Variants in PRKN observed in about 807,000 individuals in gnomAD.
The protein encoded by PRKN is parkin RBR E3 ubiquitin protein ligase.
In PRKN, 56 loss-of-function variants were observed where a neutral mutation model predicts 59.5. The ratio of observed to expected loss-of-function variants is 0.94; its 90% CI spans 0.76 to 1.18. The LOEUF is 1.18. Ranked by LOEUF, PRKN falls within the 50% of genes most tolerant of loss-of-function variation. PRKN has a pLI of 0.00. For missense variants in PRKN, 657 were observed against 596.4 expected (o/e 1.10, Z -1.06); for synonymous variants, 250 against 222.1 (o/e 1.13, Z -1.12).
intron 5 of PRKN, among the ~76,000 whole-genome samples, chr6:161,975,701 A>C (rs1293677261): frequency 6.6e-6 from 1 of 152,032 alleles, no homozygotes. Context: ...CAAGATTCGC[A>C]TTTCTAACAA....
chr6:162,558,557 G>A (rs1002545310), intron 1 of PRKN, among the ~76,000 whole-genome samples: 1 of 151,968 alleles, frequency 6.6e-6, no homozygotes, highest in Non-Finnish European at 1.5e-5. Flanking sequence ...TTGAACTCCC[G>A]ATTTCAGGTG....
chr6:162,107,080 A>G (rs1005421125), intron 4 of PRKN, among the ~76,000 whole-genome samples: 4 of 152,344 alleles, frequency 2.6e-5, no homozygotes, highest in Non-Finnish European at 5.9e-5. Flanking sequence ...GGTTAGAAGA[A>G]AAAAATGGGA....
At chr6:162,548,465 G>A (rs1779208266) in intron 1 of PRKN, among the ~76,000 whole-genome samples, 1 of 152,158 alleles carries the variant, frequency 6.6e-6, no homozygotes, top group Non-Finnish European at 1.5e-5. Context: ...GCAAAGATCA[G>A]TCTTAAATCT....
chr6:162,285,528 G>A (rs147165693), intron 2 of PRKN, among the ~76,000 whole-genome samples: 161 of 151,814 alleles, frequency 1.1e-3, no homozygotes, highest in African/African-American at 3.2e-3. Context: ...TAGGATCTTC[G>A]CAATTACACT....
rs1777871707 is a variant in PRKN at position 162,056,458 on chromosome 6, G to A, written c.535-2284C>T. On this transcript the variant is annotated intron_variant, in intron 4 of 11. Transcript: ENST00000366898. The surrounding 1 kb of genome is among the most constrained non-coding windows in gnomAD (Gnocchi z 4.9). Reference sequence around the variant, plus strand: ...CCAGGCCTGAGCCGTACCTGAAAGAGACTGAGCCTTTTGACGGAGGCTCTT... The same window carrying A: ...CCAGGCCTGAGCCGTACCTGAAAGAAACTGAGCCTTTTGACGGAGGCTCTT... Among the ~76,000 whole-genome samples the A allele has an allele frequency of 6.6e-6, 1 of 152,216 alleles. No homozygotes were observed. The highest frequency in any genetic ancestry group is 2.4e-5 in the African/African-American group (1 of 41,450).
chr6:161,941,639 C>T (rs147156892), intron 6 of PRKN, among the ~76,000 whole-genome samples: 185 of 152,288 alleles, frequency 1.2e-3, no homozygotes, highest in African/African-American at 4.3e-3. Flanking sequence ...TAAAAGAGCA[C>T]CCTGTAACAC....
intron 6 of PRKN, among the ~76,000 whole-genome samples, chr6:161,845,328 T>C (rs1793156759): frequency 6.6e-6 from 1 of 152,126 alleles, no homozygotes; most frequent in African/African-American, 2.4e-5. Flanking sequence ...ATATCATCAC[T>C]GTCTTCACGT....
intron 10 of PRKN, among the ~76,000 whole-genome samples, chr6:161,364,184 A>G (rs1340184062): frequency 4.0e-4 from 59 of 148,764 alleles, no homozygotes; most frequent in East Asian, 2.4e-3. Flanking sequence ...AAAAAAAAAA[A>G]AAAGAAAAGA....
At chr6:161,994,098 C>T (rs1562444246) in intron 5 of PRKN, among the ~76,000 whole-genome samples, 1 of 151,964 alleles carries the variant, frequency 6.6e-6, no homozygotes, top group South Asian at 2.1e-4. Context: ...TTATGAACAT[C>T]AATGCAAAAA....
intron 3 of PRKN, among the ~76,000 whole-genome samples, chr6:162,257,257 G>T (rs978533266): frequency 2.0e-5 from 3 of 152,110 alleles, no homozygotes; most frequent in East Asian, 3.9e-4. Context: ...GATTACCTGA[G>T]GTCAGTAGTT....
chr6:162,162,258 G>A (rs888376374), intron 4 of PRKN, among the ~76,000 whole-genome samples: 5 of 152,052 alleles, frequency 3.3e-5, no homozygotes, highest in Non-Finnish European at 5.9e-5. Context: ...TAATTTCACC[G>A]CACCTGACCT....
intron 9 of PRKN, among the ~76,000 whole-genome samples, chr6:161,406,619 T>C (rs758523490): frequency 3.8e-4 from 58 of 152,276 alleles, no homozygotes; most frequent in Middle Eastern, 3.4e-3. Flanking sequence ...GAAGGAAATA[T>C]GTTTTGGGTT....
In PRKN at chr6:161,354,620, G is replaced by A. The variant is rs146377300; in HGVS notation, c.1286-4409C>T. Among the ~76,000 whole-genome samples the A allele has an allele frequency of 2.6e-5, 4 of 152,126 alleles. No homozygotes were observed. The highest frequency in any genetic ancestry group is 3.8e-4 in the East Asian group (2 of 5,198). On this transcript the variant is annotated intron_variant, in intron 11 of 11. Coordinates refer to ENST00000366898, the MANE Select transcript of PRKN (RefSeq NM_004562.3). This position sits in a 1 kb window ranked among gnomAD's most constrained non-coding sequence, Gnocchi z 6.7. ...CCTGTGCTTAAAATGGAAATTCCTC[G>A]CATTCTCATTTCAGCTTCTCTGAGG...
chr6:161,858,142 T>C (rs1793732219), intron 6 of PRKN, among the ~76,000 whole-genome samples: 1 of 152,216 alleles, frequency 6.6e-6, no homozygotes, highest in Non-Finnish European at 1.5e-5. Flanking sequence ...CCAGGGTAGT[T>C]GATTCCTTTT....
At chr6:162,181,126 T>A (rs768020243) in intron 4 of PRKN, among the ~76,000 whole-genome samples, 3 of 151,796 alleles carry the variant, frequency 2.0e-5, no homozygotes, top group Non-Finnish European at 4.4e-5. Flanking sequence ...TGGAGGGGAG[T>A]GGGCTGACCG....
intron 2 of PRKN, among the ~76,000 whole-genome samples, chr6:162,414,352 T>G (rs1050883743): frequency 2.6e-5 from 4 of 152,044 alleles, no homozygotes; most frequent in Middle Eastern, 3.2e-3. Context: ...CAAGCAGGTT[T>G]GAACGGCTGT....
intron 4 of PRKN, among the ~76,000 whole-genome samples, chr6:162,064,322 G>C (rs1242416810): frequency 6.6e-6 from 1 of 152,158 alleles, no homozygotes; most frequent in Non-Finnish European, 1.5e-5. Flanking sequence ...TTTTGGTTGG[G>C]GTAGTAGTTA....
At chr6:161,612,563 A>G (rs1209428968) in intron 7 of PRKN, among the ~76,000 whole-genome samples, 1 of 151,902 alleles carries the variant, frequency 6.6e-6, no homozygotes, top group Non-Finnish European at 1.5e-5. Context: ...TCTACTAAAA[A>G]TACAAAAATT....
intron 9 of PRKN, among the ~76,000 whole-genome samples, chr6:161,411,019 T>C (rs1787514543): frequency 6.6e-6 from 1 of 152,136 alleles, no homozygotes. Flanking sequence ...GTAGATTTTA[T>C]TTTTCAGATA....
Sources: gnomAD v4.1 joint callset for allele counts (sites outside exome capture counted in the v4.1 genomes callset) on GRCh38, gnomAD v4.1.1 for gene constraint, Gnocchi (gnomAD v3.1) non-coding constraint, MANE v1.5 for transcripts, NCBI Gene and HGNC (gene_info 2026-07-23, HGNC 2026-07-21) for gene names.